The following ABL1 variants were observed in gnomAD, a reference collection of about 807,000 sequenced individuals.
ABL1 encodes ABL proto-oncogene 1, non-receptor tyrosine kinase.
ABL1 carries 11 observed loss-of-function variants against 94.7 expected under a neutral mutation model. The observed-to-expected ratio is 0.12, with a 90% confidence interval of 0.07 to 0.19. ABL1 has a LOEUF of 0.19. ABL1 is among the 10% of genes least tolerant of loss of function. The probability of loss-of-function intolerance (pLI) is 1.00; values close to 1 mark genes in which losing one functional copy is unlikely to be tolerated. For missense variants in ABL1, 1,082 were observed against 1,489.4 expected (o/e 0.73, Z 4.50); for synonymous variants, 656 against 622.4 (o/e 1.05, Z -0.80).
At chr9:130,819,745 G>A (rs888698644) in intron 1 of ABL1, among the ~76,000 whole-genome samples, 1 of 151,698 alleles carries the variant, frequency 6.6e-6, no homozygotes, top group Non-Finnish European at 1.5e-5. Flanking sequence ...GTTTCACCGT[G>A]CTGGCCAGGC....
chr9:130,750,976 G>T (rs1409013873), intron 1 of ABL1, among the ~76,000 whole-genome samples: 2 of 151,426 alleles, frequency 1.3e-5, no homozygotes, highest in Admixed American at 1.3e-4. Flanking sequence ...AGCTTTTTTG[G>T]TAGGATTGAG....
rs925148201 is a variant in ABL1, at chr9:130,884,886, A to G, written c.2596A>G (p.Ser866Gly). 4 of 1,609,152 alleles carry G rather than the reference A, an allele frequency of 2.5e-6. No homozygotes were observed. In the African/African-American group the frequency reaches 5.3e-5, roughly 21 times the overall value. The change falls in exon 11 of 11, where the codon AGC (serine) becomes GGC (glycine). Residue 866 changes from serine to glycine, a missense_variant. Ser to Gly is a moderately conservative substitution (Grantham distance 56). This residue lies in a region of ABL1 where 780 missense variants were observed against 835.8 expected (regional missense o/e 0.93). Coordinates refer to ENST00000318560, the MANE Select transcript of ABL1 (RefSeq NM_005157.6). This position sits in a 1 kb window ranked among gnomAD's most constrained non-coding sequence, Gnocchi z 5.6. The part of the protein sequence containing the change: ...KAGSGAPGGT[S>G]KGPAEESRVR... The stretch of plus-strand genomic sequence containing the variant: ...AGGCTCAGGTGCACCAGGGGGCACC[A>G]GCAAGGGCCCCGCCGAGGAGTCCAG...
rs554186378 is a variant in ABL1, at chr9:130,842,802, G to A, written c.79+7277G>A. Among the ~76,000 whole-genome samples the A allele has an allele frequency of 2.6e-5, 4 of 152,374 alleles. No homozygotes were observed. The South Asian group carries it at 8.3e-4, about 32-fold the overall frequency. On this transcript the variant is annotated intron_variant, in intron 1 of 10. Coordinates refer to ENST00000318560, the MANE Select transcript of ABL1 (RefSeq NM_005157.6). ...AAAAATGCCTTTGTGGGTATTAGCA[G>A]GCTGACTGTGGACAGTCTGGATCTG...
chr9:130,750,012 A>C (rs1831935091), intron 1 of ABL1, among the ~76,000 whole-genome samples: 1 of 151,036 alleles, frequency 6.6e-6, no homozygotes, highest in South Asian at 2.1e-4. Context: ...CATCTCTACA[A>C]AAATTGAAAA....
At chr9:130,852,329 A>G (rs1047008119) in intron 1 of ABL1, among the ~76,000 whole-genome samples, 3 of 152,104 alleles carry the variant, frequency 2.0e-5, no homozygotes, top group Admixed American at 6.5e-5. Context: ...AGCTGGGACT[A>G]GTAGCTGGAA....
At chr9:130,742,692 T>C (rs532161632) in intron 1 of ABL1, among the ~76,000 whole-genome samples, 1 of 152,342 alleles carries the variant, frequency 6.6e-6, no homozygotes, top group African/African-American at 2.4e-5. Context: ...GTTCCCATTA[T>C]ATAGAGTAAC....
At chr9:130,748,690 C>A (rs971219056) in intron 1 of ABL1, among the ~76,000 whole-genome samples, 1 of 152,116 alleles carries the variant, frequency 6.6e-6, no homozygotes, top group Non-Finnish European at 1.5e-5. Context: ...GTTCTTCTAC[C>A]TCAGCCTCCC....
chr9:130,783,733 G>A (rs2132790195), intron 1 of ABL1, among the ~76,000 whole-genome samples: 1 of 152,208 alleles, frequency 6.6e-6, no homozygotes, highest in Admixed American at 6.5e-5. Flanking sequence ...TCCACTCACT[G>A]CAACCTCTGC....
intron 1 of ABL1, among the ~76,000 whole-genome samples, chr9:130,757,065 G>A (rs2132740074): frequency 6.6e-6 from 1 of 152,262 alleles, no homozygotes; most frequent in Middle Eastern, 3.4e-3. Flanking sequence ...CTGTGAGAAG[G>A]CAGTTTGGGA....
At chr9:130,883,017 A>G (rs1193395791) in intron 10 of ABL1, among the ~76,000 whole-genome samples, 1 of 152,016 alleles carries the variant, frequency 6.6e-6, no homozygotes, top group East Asian at 1.9e-4. Flanking sequence ...TCCCCAGAGG[A>G]GCACCCAAGC....
At chr9:130,816,532 CT>C (rs539346886) in intron 1 of ABL1, among the ~76,000 whole-genome samples, 5,441 of 143,050 alleles carry the variant, frequency 0.038, 296 homozygotes, top group African/African-American at 0.13. Flanking sequence ...ACCCATTCCT[CT>C]TTTTTTTTTT....
Position 130,785,640 on chromosome 9 carries a change from C to T in ABL1, c.137-68424C>T, listed in dbSNP as rs190388729. On this transcript the variant is annotated intron_variant, in intron 1 of 10. Transcript: ENST00000372348. ...CTCTTCTGTCATTTGTTAAAAATCT[C>T]GGCCGGGCGTGGTGGCTCACACCTG... Among the ~76,000 whole-genome samples the T allele has an allele frequency of 2.5e-3, 381 of 151,958 alleles. 1 individual carries two copies. Among genetic ancestry groups the T allele is most frequent in the Non-Finnish European group, 3.1e-3 (212 of 67,946 alleles).
chr9:130,807,636 AT>A (rs1314832930), intron 1 of ABL1, among the ~76,000 whole-genome samples: 1 of 138,380 alleles, frequency 7.2e-6, no homozygotes, highest in East Asian at 2.1e-4. Flanking sequence ...TAAAGGATGT[AT>A]TTTCCATTAT....
chr9:130,880,393 ATGCAGATGAGCACTG>A lies in ABL1; in HGVS notation c.1514-105_1514-91del. 1 of 1,363,758 alleles carries A rather than the reference ATGCAGATGAGCACTG, an allele frequency of 7.3e-7. No homozygotes were observed. The highest frequency in any genetic ancestry group is 1.0e-6 in the Non-Finnish European group (1 of 986,490). 84.5% of individuals were successfully genotyped at this position (1,363,758 alleles called of 1,614,324 possible). A position where few individuals can be genotyped will look rare whatever the true frequency, so the allele number is the denominator to read the frequency against. On this transcript the variant is annotated intron_variant, in intron 9 of 10. Coordinates refer to ENST00000318560, the MANE Select transcript of ABL1 (RefSeq NM_005157.6). This position sits in a 1 kb window ranked among gnomAD's most constrained non-coding sequence, Gnocchi z 4.4. ...ATCCACGTGCCTTTTCTTTAGTTGT[ATGCAGATGAGCACTG>A]TTACCTTACAAAGAAAGAGAACCAC...
intron 1 of ABL1, among the ~76,000 whole-genome samples, chr9:130,805,500 G>A (rs532989218): frequency 3.3e-5 from 5 of 152,012 alleles, no homozygotes; most frequent in Non-Finnish European, 7.4e-5. Context: ...ATATTTCTTC[G>A]GTATATTCAT....
At chr9:130,752,335 T>C (rs568537023) in intron 1 of ABL1, among the ~76,000 whole-genome samples, 3 of 152,290 alleles carry the variant, frequency 2.0e-5, no homozygotes, top group Admixed American at 2.0e-4. Flanking sequence ...GAGGATACTT[T>C]TATGGAGGTT....
chr9:130,855,508 C>A (rs1016804084), intron 3 of ABL1, among the ~76,000 whole-genome samples: 1 of 152,088 alleles, frequency 6.6e-6, no homozygotes, highest in African/African-American at 2.4e-5. Context: ...TCCCCTCCCC[C>A]ACAGACGCCT....
rs972880050 is a variant in ABL1 at position 130,886,831 on chromosome 9, G to A, written c.*1148G>A. The A allele has an allele frequency of 4.3e-6, 1 of 233,256 alleles. No homozygotes were observed. The highest frequency in any genetic ancestry group is 8.5e-6 in the Non-Finnish European group (1 of 117,900). The allele number at this position is 233,256 out of a possible 1,614,324, so 14.4% of individuals were successfully genotyped here. A position where few individuals can be genotyped will look rare whatever the true frequency, so the allele number is the denominator to read the frequency against. On this transcript the variant is annotated 3_prime_UTR_variant, in exon 11 of 11. Transcript: ENST00000318560. ...GCCACTGGGCACCTGCGCACAGGTG[G>A]GAGGAAAGGGCCTGGCCAGTCCTGG...
At chr9:130,720,790 C>T (rs1831504272) in intron 1 of ABL1, among the ~76,000 whole-genome samples, 1 of 152,050 alleles carries the variant, frequency 6.6e-6, no homozygotes, top group African/African-American at 2.4e-5. Context: ...AAAGTGGTGG[C>T]ACTGGGTGGA....
Sources: gnomAD v4.1 joint callset for allele counts (sites outside exome capture counted in the v4.1 genomes callset) on GRCh38, gnomAD v4.1.1 for gene constraint, gnomAD v4.1.1 regional missense constraint, Gnocchi (gnomAD v3.1) non-coding constraint, MANE v1.5 for transcripts, NCBI Gene and HGNC (gene_info 2026-07-23, HGNC 2026-07-21) for gene names.